MYT1L: variants seen among roughly 807,000 people sequenced by gnomAD.
The protein encoded by MYT1L is myelin transcription factor 1 like.
In MYT1L, 12 loss-of-function variants were observed where a neutral mutation model predicts 126.7. The observed-to-expected ratio is 0.09, with a 90% CI of 0.06 to 0.15. MYT1L has a LOEUF of 0.15. MYT1L is among the 10% of genes least tolerant of loss of function. The pLI, the probability that MYT1L is intolerant of heterozygous loss-of-function variation, is 1.00. For synonymous variants in MYT1L, 541 were observed against 604.2 expected, an observed-to-expected ratio of 0.90 and a Z score of 1.53; for missense variants, 979 against 1,585.2, an observed-to-expected ratio of 0.62 and a Z score of 6.49.
intron 3 of MYT1L, among the ~76,000 whole-genome samples, chr2:2,077,824 C>T (rs2075385804): frequency 6.6e-6 from 1 of 151,994 alleles, no homozygotes; most frequent in African/African-American, 2.4e-5. Flanking sequence ...AAAGGGAGCC[C>T]CTCACGCTGA....
At chr2:2,238,015 C>T (rs151248719) in intron 2 of MYT1L, among the ~76,000 whole-genome samples, 311 of 152,294 alleles carry the variant, frequency 2.0e-3, no homozygotes, top group African/African-American at 7.2e-3. Context: ...GACAGAAAGG[C>T]GCGTTATGAT....
At chr2:2,236,808 CTTCTTCTT>C (rs1200780587) in intron 2 of MYT1L, among the ~76,000 whole-genome samples, 104 of 6,500 alleles carry the variant, frequency 0.016, 1 homozygote, top group South Asian at 0.036. Flanking sequence ...TCTTCTTCTT[CTTCTTCTT>C]TTTTTTTTTT....
intron 9 of MYT1L, among the ~76,000 whole-genome samples, chr2:1,927,196 C>G (rs1011322418): frequency 6.6e-6 from 1 of 152,152 alleles, no homozygotes; most frequent in African/African-American, 2.4e-5. Context: ...GAAAATTGAG[C>G]CCAGAAGACA....
chr2:2,238,402 G>A (rs2094369161), intron 2 of MYT1L, among the ~76,000 whole-genome samples: 1 of 152,144 alleles, frequency 6.6e-6, no homozygotes, highest in Non-Finnish European at 1.5e-5. Context: ...GGAAGGGTGG[G>A]GTCACTGGGT....
intron 5 of MYT1L, among the ~76,000 whole-genome samples, chr2:1,989,658 G>A (rs2061325549): frequency 6.6e-6 from 1 of 152,114 alleles, no homozygotes; most frequent in Non-Finnish European, 1.5e-5. Context: ...CCTACCTATA[G>A]GGGGAAACAT....
At chr2:1,830,210 C>T (rs868608628) in intron 21 of MYT1L, among the ~76,000 whole-genome samples, 15 of 152,208 alleles carry the variant, frequency 9.9e-5, no homozygotes, top group Middle Eastern at 3.4e-3. Context: ...GAGTCACTCA[C>T]GGGGGGTCAG....
chr2:2,034,179 G>A (rs1057160626), intron 4 of MYT1L, among the ~76,000 whole-genome samples: 16 of 152,226 alleles, frequency 1.1e-4, no homozygotes, highest in South Asian at 2.1e-4. Flanking sequence ...AGAAAACGTC[G>A]GTATCGACAC....
intron 2 of MYT1L, among the ~76,000 whole-genome samples, chr2:2,189,099 A>C (rs2092408814): frequency 6.6e-6 from 1 of 152,192 alleles, no homozygotes; most frequent in Admixed American, 6.6e-5. Flanking sequence ...CATTCTCCAC[A>C]CAGCAGCAGG....
At chr2:2,082,677 T>A (rs1482365408) in intron 3 of MYT1L, among the ~76,000 whole-genome samples, 1 of 152,198 alleles carries the variant, frequency 6.6e-6, no homozygotes, top group Admixed American at 6.5e-5. Flanking sequence ...TGGAATTTTA[T>A]CATAATGCTG....
intron 2 of MYT1L, among the ~76,000 whole-genome samples, chr2:2,279,694 A>G (rs2095421217): frequency 6.6e-6 from 1 of 152,130 alleles, no homozygotes; most frequent in African/African-American, 2.4e-5. Context: ...TTTACCTTCA[A>G]GTTTGTTGGC....
At chr2:1,997,418 G>A (rs910106551) in intron 4 of MYT1L, 71 bp from the exon 5 acceptor site, 1 of 152,476 alleles carries the variant, frequency 6.6e-6, no homozygotes, top group South Asian at 2.1e-4. Flanking sequence ...ACATACACAG[G>A]GCGTCCTCTT....
chr2:1,928,297 C>T (rs1202722561), intron 9 of MYT1L, among the ~76,000 whole-genome samples: 1 of 152,212 alleles, frequency 6.6e-6, no homozygotes, highest in Non-Finnish European at 1.5e-5. Flanking sequence ...TTGGTGACTA[C>T]AGAATAGTCT....
intron 3 of MYT1L, among the ~76,000 whole-genome samples, chr2:2,072,706 G>T (rs773003183): frequency 6.6e-6 from 1 of 152,168 alleles, no homozygotes; most frequent in Non-Finnish European, 1.5e-5. Context: ...AGTTTCCCCA[G>T]TGTTGTTCTC....
At position 2,207,016 on chromosome 2, in the gene MYT1L, T is replaced by C. The variant is rs1039875207; in HGVS notation, c.-420-34028A>G. 9.2e-5 allele frequency among the ~76,000 whole-genome samples: 14 copies of C among 152,248 alleles called. No homozygotes were observed. In the East Asian group the frequency reaches 2.7e-3, roughly 29 times the overall value. ...CCTTCAGGAATGAGTTATGGTGCTGTTGGTGGTGAGTTCAGTGTTAATGAA... is the reference window on the plus strand; with the variant it reads ...CCTTCAGGAATGAGTTATGGTGCTGCTGGTGGTGAGTTCAGTGTTAATGAA... On this transcript the variant is annotated intron_variant, in intron 2 of 24. Coordinates refer to ENST00000647738, the MANE Select transcript of MYT1L (RefSeq NM_001303052.2).
At chr2:2,325,749 T>C (rs955690060) in intron 1 of MYT1L, 8 of 152,290 alleles carry the variant, frequency 5.3e-5, no homozygotes, top group African/African-American at 1.9e-4. Context: ...GACTCATGTT[T>C]AACAACAACT....
chr2:1,866,565 A>AGGGGAGAGAGAGAGAGGCAGGC (rs1381353753), intron 18 of MYT1L, among the ~76,000 whole-genome samples: 18 of 72,664 alleles, frequency 2.5e-4, no homozygotes, highest in African/African-American at 1.0e-3. Context: ...GGGAGAGGGA[A>AGGGGAGAGAGAGAGAGGCAGGC]GGGGAGAGAG....
At chr2:2,088,271 G>A (rs1462778464) in intron 3 of MYT1L, among the ~76,000 whole-genome samples, 1 of 152,206 alleles carries the variant, frequency 6.6e-6, no homozygotes, top group African/African-American at 2.4e-5. Flanking sequence ...AAAATAAAAT[G>A]CATTGGGAGA....
intron 4 of MYT1L, among the ~76,000 whole-genome samples, chr2:2,004,658 CCTTCTTTCCTGCG>C (rs2062964195): frequency 1.4e-5 from 1 of 72,264 alleles, no homozygotes; most frequent in Admixed American, 1.2e-4. Flanking sequence ...TTCCTGCGTG[CCTTCTTTCCTGCG>C]TGCCTTCTTT....
chr2:2,291,169 G>T (rs141478171), intron 1 of MYT1L, among the ~76,000 whole-genome samples: 3 of 152,176 alleles, frequency 2.0e-5, no homozygotes, highest in Admixed American at 2.0e-4. Context: ...CACAGAAGCA[G>T]CCTAAGAAGC....
Sources: allele counts gnomAD v4.1 joint callset (sites outside exome capture counted in the v4.1 genomes callset), GRCh38; gene constraint gnomAD v4.1.1; transcripts MANE v1.5; gene names NCBI Gene and HGNC (gene_info 2026-07-23, HGNC 2026-07-21).